RBFOX3: variants seen among roughly 807,000 people sequenced by gnomAD.
RBFOX3 encodes RNA binding protein fox-1 homolog 3.
In RBFOX3, 17 loss-of-function variants were observed where a neutral mutation model predicts 48.7. The ratio of observed to expected loss-of-function variants is 0.35; its 90% CI spans 0.24 to 0.52. The LOEUF (loss-of-function observed/expected upper bound fraction) is 0.52. Among genes scored for constraint, RBFOX3 ranks in the 20% least tolerant of loss-of-function variants. The pLI, the probability that RBFOX3 is intolerant of heterozygous loss-of-function variation, is 0.94. For missense variants in RBFOX3, 382 were observed against 497.5 expected (o/e 0.77, Z 2.21); for synonymous variants, 212 against 209.5 (o/e 1.01, Z -0.10).
At chr17:79,095,685 C>T (rs1208187786) in intron 12 of RBFOX3, 111 bp from the exon 13 acceptor site, 5 of 918,262 alleles carry the variant, frequency 5.4e-6, no homozygotes, top group Non-Finnish European at 8.4e-6. Flanking sequence ...CTGGGAGGGA[C>T]TACAGACCTT....
Position 79,362,735 on chromosome 17 carries a change from T to C in RBFOX3, c.-174-54911A>G, listed in dbSNP as rs761227473. On this transcript the variant is annotated intron_variant, in intron 2 of 14. Coordinates refer to ENST00000693108, the MANE Select transcript of RBFOX3 (RefSeq NM_001350451.2). The surrounding 1 kb of genome is among the most constrained non-coding windows in gnomAD (Gnocchi z 4.2). ...AGCTGCACAGGCTCATTAGAGACCA[T>C]GGGATGGGGCCTCCGAGGAGCTCTG... Among the ~76,000 whole-genome samples, 4 of 152,136 alleles carry C rather than the reference T, an allele frequency of 2.6e-5. No individual in the cohort carries two copies. Among genetic ancestry groups the C allele is most frequent in the Non-Finnish European group, 5.9e-5 (4 of 68,022 alleles).
intron 1 of RBFOX3, among the ~76,000 whole-genome samples, chr17:79,483,795 G>A (rs985944004): frequency 6.6e-5 from 10 of 152,044 alleles, no homozygotes; most frequent in Non-Finnish European, 1.5e-4. Context: ...ATGAATGAAT[G>A]AATGAACCCA....
At chr17:79,514,886 G>A (rs1234261824) in intron 1 of RBFOX3, among the ~76,000 whole-genome samples, 3 of 152,200 alleles carry the variant, frequency 2.0e-5, no homozygotes, top group African/African-American at 7.2e-5. Context: ...CTGTTCTCTT[G>A]GGACTTGGTG....
At chr17:79,343,450 G>A (rs115307889) in intron 2 of RBFOX3, among the ~76,000 whole-genome samples, 1,540 of 152,250 alleles carry the variant, frequency 0.01, 35 homozygotes, top group African/African-American at 0.034. Context: ...TTGGGAGATC[G>A]AGGTTGCAGT....
chr17:79,615,670 C>A (rs1442671766), upstream of RBFOX3, among the ~76,000 whole-genome samples: 5 of 152,194 alleles, frequency 3.3e-5, no homozygotes, highest in African/African-American at 1.2e-4. Flanking sequence ...GCACTGCCAC[C>A]TGTGTAAGCT....
At chr17:79,444,139 G>A (rs1244103176) in intron 2 of RBFOX3, among the ~76,000 whole-genome samples, 3 of 152,150 alleles carry the variant, frequency 2.0e-5, no homozygotes, top group Non-Finnish European at 2.9e-5. Flanking sequence ...ACATTGAGAG[G>A]GACAAGGAAA....
Position 79,473,518 on chromosome 17 carries a change from C to G in RBFOX3, c.-175+8936G>C, listed in dbSNP as rs1555758243. Among the ~76,000 whole-genome samples, 1 of 152,220 alleles carries G rather than the reference C, an allele frequency of 6.6e-6. No homozygotes were observed. Among genetic ancestry groups the G allele is most frequent in the African/African-American group, 2.4e-5 (1 of 41,450 alleles). On this transcript the variant is annotated intron_variant, in intron 2 of 14. Coordinates refer to ENST00000693108, the MANE Select transcript of RBFOX3 (RefSeq NM_001350451.2). The surrounding 1 kb of genome is among the most constrained non-coding windows in gnomAD (Gnocchi z 4.2). ...GGCCTTGCATACTGTTCTGGACACTCCAGGCACACAGATGCCTCCCACAAG... is the reference window on the plus strand; with the variant it reads ...GGCCTTGCATACTGTTCTGGACACTGCAGGCACACAGATGCCTCCCACAAG...
At chr17:79,630,171 T>C in the RBFOX3 span, among the ~76,000 whole-genome samples, 1 of 152,204 alleles carries the variant, frequency 6.6e-6, no homozygotes, top group Admixed American at 6.5e-5. Flanking sequence ...TGCCTCCTGA[T>C]GAACGTGGGG....
intron 2 of RBFOX3, among the ~76,000 whole-genome samples, chr17:79,313,185 T>G (rs532274263): frequency 1.3e-5 from 2 of 152,174 alleles, no homozygotes; most frequent in African/African-American, 2.4e-5. Context: ...CCCCCTTGCT[T>G]CTGGCACCTT....
chr17:79,489,348 G>A (rs959352324), intron 1 of RBFOX3, among the ~76,000 whole-genome samples: 6 of 151,850 alleles, frequency 4.0e-5, no homozygotes, highest in African/African-American at 1.2e-4. Context: ...AGGCTGGAGT[G>A]CAGTAACTTG....
At chr17:79,549,666 G>C in intron 1 of RBFOX3, among the ~76,000 whole-genome samples, 1 of 152,202 alleles carries the variant, frequency 6.6e-6, no homozygotes, top group South Asian at 2.1e-4. Flanking sequence ...GGGCACTGGG[G>C]AAGGAGACAA....
chr17:79,198,269 C>A lies in RBFOX3; in HGVS notation c.-34+37497G>T, dbSNP rs2056086362. ...CCTCTGGCCAGCCCTCTGCCCTCGC[C>A]CCTGCCCTGCACCTCTCCATCCCAC... is the stretch of plus-strand genomic sequence containing the variant. On this transcript the variant is annotated intron_variant, in intron 4 of 14. Coordinates refer to ENST00000693108, the MANE Select transcript of RBFOX3 (RefSeq NM_001350451.2). This position sits in a 1 kb window ranked among gnomAD's most constrained non-coding sequence, Gnocchi z 8.2. 6.6e-6 allele frequency among the ~76,000 whole-genome samples: 1 copy of A among 152,164 alleles called. No homozygotes were observed. The highest frequency in any genetic ancestry group is 1.5e-5 in the Non-Finnish European group (1 of 68,024).
the RBFOX3 span, among the ~76,000 whole-genome samples, chr17:79,654,229 G>C: frequency 6.6e-6 from 1 of 152,168 alleles, no homozygotes; most frequent in Non-Finnish European, 1.5e-5. Context: ...CCCAAGATGG[G>C]TGGGTAACAA....
At chr17:79,335,495 C>T (rs560759705) in intron 2 of RBFOX3, among the ~76,000 whole-genome samples, 1 of 152,318 alleles carries the variant, frequency 6.6e-6, no homozygotes, top group African/African-American at 2.4e-5. Context: ...TGAGGTCCGA[C>T]ACTTGGCCAT....
the RBFOX3 span, among the ~76,000 whole-genome samples, chr17:79,640,499 C>G: frequency 1.3e-5 from 2 of 152,008 alleles, no homozygotes; most frequent in Non-Finnish European, 2.9e-5. Context: ...TCCTGAATAG[C>G]CAAGCAATTT....
At chr17:79,496,341 C>T (rs1449508947) in intron 1 of RBFOX3, among the ~76,000 whole-genome samples, 2 of 152,214 alleles carry the variant, frequency 1.3e-5, no homozygotes, top group South Asian at 2.1e-4. Flanking sequence ...GGTCTGGCTG[C>T]ATCTCCTGGA....
At chr17:79,584,571 T>C (rs2144899498) in intron 1 of RBFOX3, among the ~76,000 whole-genome samples, 1 of 152,166 alleles carries the variant, frequency 6.6e-6, no homozygotes, top group African/African-American at 2.4e-5. Flanking sequence ...TGTGTGTGTG[T>C]ATGAATACTA....
In RBFOX3 at chr17:79,241,528, G is replaced by A. The variant is rs144357774; in HGVS notation, c.-73-5723C>T. On this transcript the variant is annotated intron_variant, in intron 3 of 14. Coordinates refer to ENST00000693108, the MANE Select transcript of RBFOX3 (RefSeq NM_001350451.2). ...GGGAGCACAACTAACTGATGTTGAC[G>A]TGGAAGGTGCTGAGGAAGGTGACTC... Among the ~76,000 whole-genome samples the A allele has an allele frequency of 2.5e-3, 380 of 152,254 alleles. 1 individual carries two copies. The highest frequency in any genetic ancestry group is 8.6e-3 in the African/African-American group (357 of 41,544).
intron 2 of RBFOX3, among the ~76,000 whole-genome samples, chr17:79,341,411 C>T (rs1003616369): frequency 2.6e-5 from 4 of 152,254 alleles, no homozygotes; most frequent in African/African-American, 4.8e-5. Context: ...TTGTTTACAA[C>T]TTCCCATTAT....
Sources: allele counts gnomAD v4.1 joint callset (sites outside exome capture counted in the v4.1 genomes callset), GRCh38; gene constraint gnomAD v4.1.1; non-coding constraint Gnocchi (gnomAD v3.1); transcripts MANE v1.5; gene names NCBI Gene and HGNC (gene_info 2026-07-23, HGNC 2026-07-21).